The following PLCB4 variants were observed in gnomAD, a reference collection of about 807,000 sequenced individuals.
The protein encoded by PLCB4 is phospholipase C beta 4.
Under a neutral mutation model 178.8 loss-of-function variants are expected in PLCB4, and 77 were observed. The ratio of observed to expected loss-of-function variants is 0.43; its 90% CI spans 0.36 to 0.52. The LOEUF (loss-of-function observed/expected upper bound fraction) is 0.52, where lower values mean the gene tolerates loss of function less well. Ranked by LOEUF, PLCB4 falls within the 20% of genes least tolerant of loss-of-function variation. PLCB4 has a pLI of 0.00. For missense variants in PLCB4, 1,024 were observed against 1,453.4 expected, an observed-to-expected ratio of 0.70 and a Z score of 4.80; for synonymous variants, 496 against 490.8, an observed-to-expected ratio of 1.01 and a Z score of -0.14.
At chr20:9,376,202 C>T (rs563996196) in intron 12 of PLCB4, among the ~76,000 whole-genome samples, 3 of 152,170 alleles carry the variant, frequency 2.0e-5, no homozygotes, top group Non-Finnish European at 2.9e-5. Flanking sequence ...CCAGCAGCAT[C>T]GGCACCCCTT....
intron 32 of PLCB4, among the ~76,000 whole-genome samples, chr20:9,450,896 G>A (rs1390324486): frequency 1.3e-5 from 2 of 151,846 alleles, no homozygotes; most frequent in African/African-American, 2.4e-5. Context: ...TGATTTATGC[G>A]CCTCAGCCTC....
chr20:9,426,901 G>C (rs1311369118), intron 28 of PLCB4, among the ~76,000 whole-genome samples: 4 of 152,064 alleles, frequency 2.6e-5, no homozygotes, highest in Non-Finnish European at 4.4e-5. Context: ...AACTCCTTCT[G>C]CTTCTCCTTC....
intron 3 of PLCB4, among the ~76,000 whole-genome samples, chr20:9,278,824 G>A (rs1252334961): frequency 1.3e-5 from 2 of 152,046 alleles, no homozygotes; most frequent in Non-Finnish European, 2.9e-5. Flanking sequence ...AGGGCAGGTT[G>A]TCTCACTCAC....
chr20:9,123,393 CTT>C (rs2092020955), intron 2 of PLCB4, among the ~76,000 whole-genome samples: 1 of 145,056 alleles, frequency 6.9e-6, no homozygotes, highest in South Asian at 2.2e-4. Flanking sequence ...AAATATCACT[CTT>C]TTAAGAAACT....
intron 4 of PLCB4, among the ~76,000 whole-genome samples, chr20:9,335,361 A>G (rs779116450): frequency 5.3e-4 from 81 of 152,234 alleles, no homozygotes; most frequent in East Asian, 5.8e-4. Context: ...GAAGTGCTCT[A>G]GCCACACAAA....
At chr20:9,147,475 A>C (rs923852697) in intron 2 of PLCB4, among the ~76,000 whole-genome samples, 9 of 152,110 alleles carry the variant, frequency 5.9e-5, no homozygotes, top group African/African-American at 2.2e-4. Flanking sequence ...TCAGCTGCTC[A>C]ATGCTTGACT....
chr20:9,353,084 T>A (rs563454721), intron 7 of PLCB4, among the ~76,000 whole-genome samples: 1 of 152,354 alleles, frequency 6.6e-6, no homozygotes, highest in East Asian at 1.9e-4. Flanking sequence ...ATTATTGACT[T>A]CCCAAGGGCT....
intron 2 of PLCB4, among the ~76,000 whole-genome samples, chr20:9,135,133 C>G (rs192210191): frequency 1.6e-3 from 237 of 152,120 alleles, no homozygotes; most frequent in African/African-American, 5.2e-3. Context: ...GTGCAACCCT[C>G]CCAACTTCTG....
chr20:9,272,384 T>A (rs1246235878), intron 3 of PLCB4, among the ~76,000 whole-genome samples: 1 of 152,026 alleles, frequency 6.6e-6, no homozygotes, highest in Non-Finnish European at 1.5e-5. Flanking sequence ...ATATGTTACG[T>A]TAATGAGGAT....
chr20:9,089,883 A>T (rs1054569598), intron 1 of PLCB4, among the ~76,000 whole-genome samples: 1 of 152,166 alleles, frequency 6.6e-6, no homozygotes, highest in Admixed American at 6.6e-5. Context: ...CATTTTGTAA[A>T]TGAGCAGTGT....
chr20:9,073,125 A>T (rs567769555), intron 1 of PLCB4, among the ~76,000 whole-genome samples: 4 of 152,156 alleles, frequency 2.6e-5, no homozygotes, highest in Non-Finnish European at 5.9e-5. Flanking sequence ...TTTAAGATAC[A>T]TTGCCCTTCT....
chr20:9,187,948 G>A (rs933367287), intron 2 of PLCB4, among the ~76,000 whole-genome samples: 30 of 152,082 alleles, frequency 2.0e-4, no homozygotes, highest in African/African-American at 7.2e-4. Context: ...TATAAATATG[G>A]CTCTGGTAGT....
chr20:9,457,021 T>A (rs1406528638), intron 33 of PLCB4, among the ~76,000 whole-genome samples: 1 of 152,202 alleles, frequency 6.6e-6, no homozygotes, highest in Non-Finnish European at 1.5e-5. Flanking sequence ...GACAAAAATC[T>A]GGCTTTATAA....
Position 9,436,991 on chromosome 20 carries a change from T to G in PLCB4, c.2614-11T>G. On this transcript the variant is annotated splice_polypyrimidine_tract_variant and intron_variant, in intron 29 of 39. Transcript: ENST00000378473. ...CATTCATTTGGGTCAATGTAAATGT[T>G]TCTGTTCCAGAGTGACATAGCCGAC... 6.2e-7 allele frequency: 1 copy of G among 1,613,556 alleles called. No individual in the cohort carries two copies. The highest frequency in any genetic ancestry group is 8.5e-7 in the Non-Finnish European group (1 of 1,179,610).
chr20:9,280,396 A>G, intron 3 of PLCB4: 1 of 935,574 alleles, frequency 1.1e-6, no homozygotes, highest in Non-Finnish European at 1.3e-6. Flanking sequence ...AGGAAGACCT[A>G]TCAAAGGACA....
chr20:9,370,507 T>A (rs2033209945), intron 9 of PLCB4, among the ~76,000 whole-genome samples: 1 of 152,174 alleles, frequency 6.6e-6, no homozygotes, highest in Non-Finnish European at 1.5e-5. Context: ...GCCCAGTTAT[T>A]GTCAACATGA....
At chr20:9,459,557 C>T (rs940719260) in intron 34 of PLCB4, 78 bp from the exon 35 acceptor site, 3 of 1,035,568 alleles carry the variant, frequency 2.9e-6, no homozygotes, top group Admixed American at 4.7e-5. Context: ...ACCTGAAATA[C>T]CTGAATAATG....
At chr20:9,212,909 G>T (rs1437257232) in intron 2 of PLCB4, among the ~76,000 whole-genome samples, 2 of 151,878 alleles carry the variant, frequency 1.3e-5, no homozygotes, top group African/African-American at 4.8e-5. Context: ...ACAATTCAGT[G>T]GTTTTTAGTA....
chr20:9,187,523 G>A (rs904132514), intron 2 of PLCB4, among the ~76,000 whole-genome samples: 2 of 152,126 alleles, frequency 1.3e-5, no homozygotes, highest in Admixed American at 1.3e-4. Context: ...CTGAGGGTGA[G>A]GATTACGTTA....
Sources: allele counts gnomAD v4.1 joint callset (sites outside exome capture counted in the v4.1 genomes callset), GRCh38; gene constraint gnomAD v4.1.1; transcripts MANE v1.5; gene names NCBI Gene and HGNC (gene_info 2026-07-23, HGNC 2026-07-21).